Variants in DYNC1I1 observed in about 807,000 individuals in gnomAD.
The protein encoded by DYNC1I1 is dynein cytoplasmic 1 intermediate chain 1.
DYNC1I1 carries 43 observed loss-of-function variants against 86.6 expected under a neutral mutation model. The ratio of observed to expected loss-of-function variants is 0.50; its 90% confidence interval spans 0.39 to 0.64. The LOEUF (loss-of-function observed/expected upper bound fraction) is 0.64, where lower values mean the gene tolerates loss of function less well. DYNC1I1 is among the 30% of genes least tolerant of loss of function. The probability of loss-of-function intolerance (pLI) is 0.00; values close to 1 mark genes in which losing one functional copy is unlikely to be tolerated. For synonymous variants in DYNC1I1, 262 were observed against 283.7 expected (o/e 0.92, Z 0.77); for missense variants, 604 against 788.8 (o/e 0.77, Z 2.81).
At chr7:95,828,921 T>C (rs1795262019) in intron 5 of DYNC1I1, among the ~76,000 whole-genome samples, 2 of 152,134 alleles carry the variant, frequency 1.3e-5, no homozygotes, top group Non-Finnish European at 2.9e-5. Context: ...CTTCTCAACT[T>C]CACATTAAGT....
chr7:96,075,366 T>A (rs1790298465), intron 14 of DYNC1I1, among the ~76,000 whole-genome samples: 1 of 152,204 alleles, frequency 6.6e-6, no homozygotes, highest in Non-Finnish European at 1.5e-5. Context: ...ATACTGTTCA[T>A]TTTGTACAGA....
chr7:96,079,465 C>G (rs1220722593), intron 15 of DYNC1I1, among the ~76,000 whole-genome samples: 3 of 152,166 alleles, frequency 2.0e-5, no homozygotes, highest in Non-Finnish European at 4.4e-5. Context: ...ACCTTGAAGA[C>G]AAGCTTTTAC....
Position 96,097,663 on chromosome 7 carries a change from C to G in DYNC1I1, c.*70C>G. On this transcript the variant is annotated 3_prime_UTR_variant, in exon 17 of 17. Coordinates refer to ENST00000447467, the MANE Select transcript of DYNC1I1 (RefSeq NM_001135556.2). ...GAGCTCAGCGTCTGCAGTCAAGTCT[C>G]TTGTATTCGGTGTCCATTCAGTATC... 9 of 1,593,090 alleles carry G rather than the reference C, an allele frequency of 5.6e-6. No homozygotes were observed. The highest frequency in any genetic ancestry group is 6.8e-6 in the Non-Finnish European group (8 of 1,168,426).
intron 6 of DYNC1I1, among the ~76,000 whole-genome samples, chr7:95,906,404 G>T (rs1464926799): frequency 6.6e-6 from 1 of 152,174 alleles, no homozygotes; most frequent in Admixed American, 6.6e-5. Context: ...TTGTCACAGA[G>T]TGAGAGGCTT....
intron 11 of DYNC1I1, among the ~76,000 whole-genome samples, chr7:96,031,141 A>G (rs1345124115): frequency 2.6e-5 from 4 of 152,208 alleles, no homozygotes; most frequent in African/African-American, 4.8e-5. Context: ...TGATAATTCA[A>G]TGCTACCCAG....
At chr7:95,825,628 C>T (rs1440276246) in intron 4 of DYNC1I1, among the ~76,000 whole-genome samples, 1 of 152,202 alleles carries the variant, frequency 6.6e-6, no homozygotes, top group Non-Finnish European at 1.5e-5. Flanking sequence ...GTTCTCACCC[C>T]TGGCTGCACA....
chr7:96,093,052 A>G (rs1563003065), intron 16 of DYNC1I1, among the ~76,000 whole-genome samples: 1 of 152,202 alleles, frequency 6.6e-6, no homozygotes, highest in Non-Finnish European at 1.5e-5. Flanking sequence ...CTGCTTCTTA[A>G]CATCCTCACA....
chr7:95,809,265 G>C (rs1383203879), intron 2 of DYNC1I1, among the ~76,000 whole-genome samples: 2 of 152,100 alleles, frequency 1.3e-5, no homozygotes, highest in East Asian at 3.9e-4. Flanking sequence ...GTCAAAAGTT[G>C]CATAAACTCT....
At chr7:95,912,021 T>G (rs1247318226) in intron 6 of DYNC1I1, among the ~76,000 whole-genome samples, 1 of 152,180 alleles carries the variant, frequency 6.6e-6, no homozygotes, top group Non-Finnish European at 1.5e-5. Context: ...TAGCACTCAC[T>G]CATCACTTGA....
chr7:95,924,702 G>T (rs1791696106), intron 6 of DYNC1I1, among the ~76,000 whole-genome samples: 1 of 152,140 alleles, frequency 6.6e-6, no homozygotes, highest in Non-Finnish European at 1.5e-5. Context: ...ATTAGATCAA[G>T]CTCTGTTTAT....
At chr7:95,918,065 A>C (rs1791513968) in intron 6 of DYNC1I1, among the ~76,000 whole-genome samples, 1 of 152,154 alleles carries the variant, frequency 6.6e-6, no homozygotes, top group Non-Finnish European at 1.5e-5. Flanking sequence ...ATCTAAAGTA[A>C]ACCTTTATTT....
rs533284088 is a variant in DYNC1I1, at chr7:95,804,698, CT to C, written c.-9-14del. 410 of 1,533,532 alleles carry C rather than the reference CT, an allele frequency of 2.7e-4. 2 individuals carry two copies. In the South Asian group the frequency reaches 3.8e-3, roughly 14 times the overall value. 95.0% of individuals were successfully genotyped at this position (1,533,532 alleles called of 1,614,324 possible). ...GAAAAGTTATTTATATATATGTTCACTTTTTTTTTCTCTTTCTCCAAGGAAA... is the reference window on the plus strand; with the variant it reads ...GAAAAGTTATTTATATATATGTTCACTTTTTTTTCTCTTTCTCCAAGGAAA... On this transcript the variant is annotated intron_variant, in intron 1 of 16. Transcript: ENST00000447467.
chr7:95,780,152 G>A (rs1281352033), intron 1 of DYNC1I1, among the ~76,000 whole-genome samples: 1 of 152,116 alleles, frequency 6.6e-6, no homozygotes, highest in African/African-American at 2.4e-5. Flanking sequence ...AATGTCCAAA[G>A]TGAAGCGAAG....
chr7:95,880,249 G>A (rs568266927), intron 6 of DYNC1I1, among the ~76,000 whole-genome samples: 4 of 152,150 alleles, frequency 2.6e-5, no homozygotes, highest in East Asian at 1.9e-4. Flanking sequence ...TCCACCAACC[G>A]AACACACTTC....
chr7:95,842,296 T>G (rs1789306591), intron 5 of DYNC1I1, among the ~76,000 whole-genome samples: 1 of 152,142 alleles, frequency 6.6e-6, no homozygotes, highest in African/African-American at 2.4e-5. Context: ...CTTGATTAAT[T>G]TTTATACCTT....
chr7:95,858,987 G>T (rs1397499502), intron 5 of DYNC1I1, among the ~76,000 whole-genome samples: 1 of 143,724 alleles, frequency 7.0e-6, no homozygotes, highest in African/African-American at 2.6e-5. Flanking sequence ...AGATATTAAT[G>T]TATTTATTAT....
At chr7:96,064,766 G>A (rs914149037) in intron 14 of DYNC1I1, among the ~76,000 whole-genome samples, 1 of 152,138 alleles carries the variant, frequency 6.6e-6, no homozygotes, top group Non-Finnish European at 1.5e-5. Flanking sequence ...AGACAAAATA[G>A]GACTGAACTC....
At chr7:96,039,753 A>G (rs1788979117) in intron 14 of DYNC1I1, among the ~76,000 whole-genome samples, 1 of 152,034 alleles carries the variant, frequency 6.6e-6, no homozygotes. Context: ...CCCCAGGGGT[A>G]AACTTTTATC....
At chr7:96,109,924 CTTCTATAT>C in intron 16 of DYNC1I1, 1 of 217,150 alleles carries the variant, frequency 4.6e-6, no homozygotes, top group South Asian at 5.0e-5. Context: ...GTGTTCAAAT[CTTCTATAT>C]ATGTACTGAT....
Sources: allele counts gnomAD v4.1 joint callset (sites outside exome capture counted in the v4.1 genomes callset), GRCh38; gene constraint gnomAD v4.1.1; transcripts MANE v1.5; gene names NCBI Gene and HGNC (gene_info 2026-07-23, HGNC 2026-07-21).